Variants in COL25A1 observed in about 807,000 individuals in gnomAD.
COL25A1 encodes the protein collagen type XXV alpha 1 chain.
In COL25A1, 103 loss-of-function variants were observed where a neutral mutation model predicts 128.4. The observed-to-expected ratio is 0.80, with a 90% CI of 0.68 to 0.94. The LOEUF is 0.94. Among genes scored for constraint, COL25A1 ranks in the 40% least tolerant of loss-of-function variants. COL25A1 has a pLI of 0.00. For synonymous variants in COL25A1, 279 were observed against 277.2 expected (o/e 1.01, Z -0.06); for missense variants, 745 against 840.0 (o/e 0.89, Z 1.40).
rs375577387 is a variant in COL25A1 at position 109,253,949 on chromosome 4, C to T, written c.367+46634G>A. 6.6e-5 allele frequency among the ~76,000 whole-genome samples: 10 copies of T among 151,834 alleles called. No individual in the cohort carries two copies. The East Asian group carries it at 1.2e-3, about 18-fold the overall frequency. ...AAAAATACAAAAAATTATCCCGGTG[C>T]GGTGGCGGGTGCCTGTAGTCCCAGC... is the stretch of plus-strand genomic sequence containing the variant. On this transcript the variant is annotated intron_variant, in intron 3 of 37. Coordinates refer to ENST00000399132, the MANE Select transcript of COL25A1 (RefSeq NM_198721.4).
chr4:108,978,817 G>A (rs1752680919), intron 6 of COL25A1, among the ~76,000 whole-genome samples: 1 of 152,138 alleles, frequency 6.6e-6, no homozygotes, highest in African/African-American at 2.4e-5. Context: ...GCAGTCATAG[G>A]GAAGTGAACA....
Position 108,918,218 on chromosome 4 carries a change from T to G in COL25A1, c.736-2A>C. ...AATTCCAGGTGCTCCAATAGAACCC[T>G]AAAGAGACACATGATTAAATTCAGT... On this transcript the variant is annotated splice_acceptor_variant, in intron 12 of 37. Coordinates refer to ENST00000399132, the MANE Select transcript of COL25A1 (RefSeq NM_198721.4). LOFTEE classifies it high-confidence loss of function. 6.3e-7 allele frequency: 1 copy of G among 1,592,120 alleles called. No homozygotes were observed. Among genetic ancestry groups the G allele is most frequent in the South Asian group, 1.1e-5 (1 of 87,374 alleles).
chr4:109,184,205 A>G (rs1774926376), intron 3 of COL25A1, among the ~76,000 whole-genome samples: 1 of 152,160 alleles, frequency 6.6e-6, no homozygotes, highest in Non-Finnish European at 1.5e-5. Context: ...TTTAATTAAC[A>G]TTCATATTTA....
intron 3 of COL25A1, among the ~76,000 whole-genome samples, chr4:109,084,003 T>C (rs1350634674): frequency 2.0e-5 from 3 of 152,188 alleles, no homozygotes; most frequent in Non-Finnish European, 4.4e-5. Flanking sequence ...TTTTGTTTTG[T>C]TTTAAGAAAA....
chr4:108,904,114 G>A (rs1013717899), intron 13 of COL25A1, among the ~76,000 whole-genome samples: 3 of 152,022 alleles, frequency 2.0e-5, no homozygotes, highest in African/African-American at 7.2e-5. Context: ...GAATATAAAC[G>A]ATAAACCACT....
intron 3 of COL25A1, among the ~76,000 whole-genome samples, chr4:109,081,703 T>C (rs564919326): frequency 1.9e-3 from 283 of 152,026 alleles, no homozygotes; most frequent in Middle Eastern, 3.4e-3. Flanking sequence ...ATTTTGTTTT[T>C]TCTTTTATTT....
intron 3 of COL25A1, among the ~76,000 whole-genome samples, chr4:109,078,288 C>T (rs1023561363): frequency 7.2e-5 from 11 of 152,136 alleles, no homozygotes; most frequent in African/African-American, 2.7e-4. Flanking sequence ...AAAGTAGCCT[C>T]CGATACTTAT....
In COL25A1 at chr4:109,013,950, C is replaced by G. The variant is rs1756960247; in HGVS notation, c.421-3575G>C. Among the ~76,000 whole-genome samples, 8 of 152,074 alleles carry G rather than the reference C, an allele frequency of 5.3e-5. No homozygotes were observed. The South Asian group carries it at 1.7e-3, about 32-fold the overall frequency. ...TCTTGTGCACTCCTCCCCCACCCCACCAACCCCCCTCAGCTTTAAGCTTTT... is the reference window on the plus strand; with the variant it reads ...TCTTGTGCACTCCTCCCCCACCCCAGCAACCCCCCTCAGCTTTAAGCTTTT... On this transcript the variant is annotated intron_variant, in intron 5 of 37. Coordinates refer to ENST00000399132, the MANE Select transcript of COL25A1 (RefSeq NM_198721.4).
intron 3 of COL25A1, among the ~76,000 whole-genome samples, chr4:109,177,727 A>G (rs553145810): frequency 6.6e-6 from 1 of 152,276 alleles, no homozygotes; most frequent in Non-Finnish European, 1.5e-5. Flanking sequence ...ATGTGCCAGG[A>G]CTCCCAACAA....
chr4:108,886,446 G>GTA, intron 18 of COL25A1, among the ~76,000 whole-genome samples: 1 of 24,716 alleles, frequency 4.0e-5, no homozygotes, highest in East Asian at 1.4e-3. Context: ...GAGATTTTGT[G>GTA]TGTGTGTGTG....
intron 6 of COL25A1, among the ~76,000 whole-genome samples, chr4:108,989,337 C>CT (rs1282311088): frequency 6.6e-6 from 1 of 152,164 alleles, no homozygotes; most frequent in Non-Finnish European, 1.5e-5. Context: ...GTAATGTTTC[C>CT]TTCACAAATG....
rs146218514 is a variant in COL25A1 at position 109,220,931 on chromosome 4, G to A, written c.367+79652C>T. ...ACTGATATGAGTGGATATTTTTCCA[G>A]AAAATTTTATGGGTGAAATGTAGAA... On this transcript the variant is annotated intron_variant, in intron 3 of 37. Coordinates refer to ENST00000399132, the MANE Select transcript of COL25A1 (RefSeq NM_198721.4). Among the ~76,000 whole-genome samples the A allele has an allele frequency of 7.4e-3, 1,118 of 152,062 alleles. 12 individuals are homozygous for A. Among genetic ancestry groups the A allele is most frequent in the African/African-American group, 0.025 (1,026 of 41,502 alleles).
chr4:109,140,698 G>A (rs1247525528), intron 3 of COL25A1, among the ~76,000 whole-genome samples: 1 of 152,144 alleles, frequency 6.6e-6, no homozygotes, highest in Non-Finnish European at 1.5e-5. Context: ...TGCAGCAATT[G>A]TGAATGGGAG....
chr4:109,066,789 T>C (rs998427791), intron 3 of COL25A1, among the ~76,000 whole-genome samples: 2 of 152,086 alleles, frequency 1.3e-5, no homozygotes, highest in Admixed American at 6.6e-5. Context: ...CACTCTCCCA[T>C]GTAGCTAGGA....
chr4:108,980,690 G>A (rs1269926339), intron 6 of COL25A1, among the ~76,000 whole-genome samples: 2 of 152,156 alleles, frequency 1.3e-5, no homozygotes, highest in African/African-American at 2.4e-5. Flanking sequence ...TCTGAATAGA[G>A]GAAACCTTTA....
intron 6 of COL25A1, among the ~76,000 whole-genome samples, chr4:108,982,515 ACT>A (rs892489457): frequency 6.6e-6 from 1 of 152,042 alleles, no homozygotes; most frequent in African/African-American, 2.4e-5. Flanking sequence ...ATGCAATAAA[ACT>A]CTGTGTTCAA....
intron 6 of COL25A1, among the ~76,000 whole-genome samples, chr4:108,990,445 C>T (rs1241353615): frequency 6.6e-6 from 1 of 151,568 alleles, no homozygotes; most frequent in Non-Finnish European, 1.5e-5. Flanking sequence ...GAAAATTATA[C>T]ATACCGTGTG....
chr4:108,836,518 G>A (rs528754190), intron 31 of COL25A1, among the ~76,000 whole-genome samples: 3 of 152,164 alleles, frequency 2.0e-5, no homozygotes, highest in African/African-American at 7.2e-5. Flanking sequence ...GAAACATGGC[G>A]AGACCCAATC....
At chr4:109,170,587 A>G (rs1174463205) in intron 3 of COL25A1, among the ~76,000 whole-genome samples, 1 of 152,168 alleles carries the variant, frequency 6.6e-6, no homozygotes, top group Non-Finnish European at 1.5e-5. Context: ...ACACGTGCCC[A>G]TTGTATGCCC....
Sources: gnomAD v4.1 joint callset for allele counts (sites outside exome capture counted in the v4.1 genomes callset) on GRCh38, gnomAD v4.1.1 for gene constraint, MANE v1.5 for transcripts, NCBI Gene and HGNC (gene_info 2026-07-23, HGNC 2026-07-21) for gene names.